Variants in WDR64 observed in about 807,000 individuals in gnomAD.
WDR64 encodes the protein WD repeat-containing protein 64.
A neutral mutation model predicts 139.3 loss-of-function variants in WDR64; 112 were observed. That is an observed-to-expected ratio of 0.80 (90% confidence interval 0.69 to 0.94). The LOEUF is 0.94. Among genes scored for constraint, WDR64 ranks in the 40% least tolerant of loss-of-function variants. The pLI, the probability that WDR64 is intolerant of heterozygous loss-of-function variation, is 0.00. For synonymous variants in WDR64, 444 were observed against 437.7 expected, an observed-to-expected ratio of 1.01 and a Z score of -0.18; for missense variants, 1,206 against 1,293.1, an observed-to-expected ratio of 0.93 and a Z score of 1.03.
At chr1:241,659,213 C>T (rs765487098) in intron 1 of WDR64, among the ~76,000 whole-genome samples, 13 of 152,118 alleles carry the variant, frequency 8.5e-5, no homozygotes, top group Admixed American at 4.6e-4. Flanking sequence ...TCCAGATCCA[C>T]GCATGTCCCT....
chr1:241,716,394 G>A lies in WDR64; in HGVS notation c.1054+4513G>A, dbSNP rs150100045. 5.6e-4 allele frequency among the ~76,000 whole-genome samples: 85 copies of A among 151,996 alleles called. 2 individuals are homozygous for A. The highest frequency in any genetic ancestry group is 1.9e-3 in the African/African-American group (80 of 41,454). On this transcript the variant is annotated intron_variant, in intron 9 of 27. Coordinates refer to ENST00000437684, the MANE Select transcript of WDR64 (RefSeq NM_001367482.1). The stretch of plus-strand genomic sequence containing the variant: ...AGAATATTTTTGCTGAACAGTGTTT[G>A]CACTAGCCTTTTAGGAATTAAGTTC...
At chr1:241,758,114 C>T (rs1298922471) in intron 15 of WDR64, among the ~76,000 whole-genome samples, 5 of 152,082 alleles carry the variant, frequency 3.3e-5, no homozygotes, top group Admixed American at 6.6e-5. Context: ...GGACAGTTGA[C>T]GCCATAGTTT....
intron 25 of WDR64, among the ~76,000 whole-genome samples, chr1:241,793,750 T>C (rs1292027187): frequency 6.6e-6 from 1 of 152,226 alleles, no homozygotes; most frequent in African/African-American, 2.4e-5. Context: ...CAAAGGGTTT[T>C]TGTGAGAATT....
At position 241,683,559 on chromosome 1, in the gene WDR64, C is replaced by T; in HGVS notation, c.697C>T (p.Leu233Phe). The T allele has an allele frequency of 6.4e-7, 1 of 1,551,682 alleles. No homozygotes were observed. The highest frequency in any genetic ancestry group is 8.7e-7 in the Non-Finnish European group (1 of 1,146,932). The change falls in exon 7 of 28, where the codon CTC becomes TTC. Residue 233 changes from leucine (L) to phenylalanine (F), a missense_variant. Leu to Phe is a conservative substitution (Grantham distance 22). Transcript: ENST00000437684. ...CVCVVPLPDH[L>F]CRDDILLGDD... ...GTGTGTGGTGCCTTTGCCTGACCAT[C>T]TCTGCCGAGATGACATCCTCTTGGG...
chr1:241,795,313 G>A, intron 26 of WDR64, 26 bp downstream of exon 26: 1 of 1,597,906 alleles, frequency 6.3e-7, no homozygotes. Context: ...TAGGAGTAGA[G>A]GGGTCACAGA....
At chr1:241,772,340 AAAAAG>A (rs1306102713) in intron 19 of WDR64, among the ~76,000 whole-genome samples, 1 of 148,988 alleles carries the variant, frequency 6.7e-6, no homozygotes, top group East Asian at 1.9e-4. Context: ...GAAAAAAAAA[AAAAAG>A]AAAAGGAAAA....
At chr1:241,790,274 C>T (rs778845968) in intron 24 of WDR64, among the ~76,000 whole-genome samples, 4 of 152,130 alleles carry the variant, frequency 2.6e-5, no homozygotes, top group Non-Finnish European at 5.9e-5. Flanking sequence ...TTGCTTGAAC[C>T]TGGGAGGCAG....
chr1:241,691,035 T>G (rs1342383762), intron 8 of WDR64, among the ~76,000 whole-genome samples: 1 of 152,170 alleles, frequency 6.6e-6, no homozygotes, highest in Non-Finnish European at 1.5e-5. Flanking sequence ...GGATTTTTGT[T>G]TATTTTAATA....
chr1:241,794,143 T>C (rs1659288480), intron 25 of WDR64, among the ~76,000 whole-genome samples: 1 of 151,242 alleles, frequency 6.6e-6, no homozygotes, highest in Admixed American at 6.6e-5. Flanking sequence ...ATCACGCCAT[T>C]GCACTCCAGC....
At chr1:241,668,073 G>A (rs1284895698) in intron 2 of WDR64, among the ~76,000 whole-genome samples, 1 of 152,258 alleles carries the variant, frequency 6.6e-6, no homozygotes, top group Admixed American at 6.5e-5. Flanking sequence ...TAGGACGCAG[G>A]TTTACTGTAT....
chr1:241,791,200 C>T (rs1300577089), intron 25 of WDR64, among the ~76,000 whole-genome samples: 1 of 152,090 alleles, frequency 6.6e-6, no homozygotes, highest in African/African-American at 2.4e-5. Flanking sequence ...GCATGAGAAT[C>T]GCTTGAACCC....
chr1:241,676,338 T>G (rs1458824322), intron 4 of WDR64: 1 of 152,248 alleles, frequency 6.6e-6, no homozygotes, highest in Admixed American at 6.5e-5. Flanking sequence ...ACTCATGAAG[T>G]GCTTAGCATC....
chr1:241,708,928 A>G (rs1668065503), intron 8 of WDR64, among the ~76,000 whole-genome samples: 1 of 152,114 alleles, frequency 6.6e-6, no homozygotes. Flanking sequence ...ATTCTGACCT[A>G]GGTAAAGTTA....
intron 10 of WDR64, among the ~76,000 whole-genome samples, chr1:241,737,515 A>G (rs1025927765): frequency 6.6e-6 from 1 of 152,222 alleles, no homozygotes; most frequent in African/African-American, 2.4e-5. Context: ...TAAATTTACT[A>G]TAACATGAAA....
chr1:241,725,445 C>G (rs1195457066), intron 10 of WDR64, among the ~76,000 whole-genome samples: 1 of 152,024 alleles, frequency 6.6e-6, no homozygotes, highest in Non-Finnish European at 1.5e-5. Context: ...CACCCCCTAC[C>G]CCTCATACAC....
intron 2 of WDR64, among the ~76,000 whole-genome samples, chr1:241,661,016 A>G (rs1665812674): frequency 6.6e-6 from 1 of 152,220 alleles, no homozygotes; most frequent in Non-Finnish European, 1.5e-5. Context: ...CAGTGCATCC[A>G]AATTATTAAT....
chr1:241,714,755 A>C (rs560342316), intron 9 of WDR64, among the ~76,000 whole-genome samples: 95 of 152,346 alleles, frequency 6.2e-4, no homozygotes, highest in Admixed American at 1.0e-3. Flanking sequence ...ACAATGCACT[A>C]GAAGTTAGAA....
chr1:241,683,303 G>A (rs77741526), intron 6 of WDR64, among the ~76,000 whole-genome samples, 184 bp from the exon 7 acceptor site: 2 of 152,098 alleles, frequency 1.3e-5, no homozygotes, highest in East Asian at 3.8e-4. Flanking sequence ...TAACAATGTT[G>A]GGCTCACAGC....
intron 3 of WDR64, among the ~76,000 whole-genome samples, chr1:241,672,043 T>C (rs962093403): frequency 2.0e-5 from 3 of 151,978 alleles, no homozygotes; most frequent in Non-Finnish European, 2.9e-5. Context: ...GCCATGGTGG[T>C]GTGCACCTGT....
Sources: allele counts gnomAD v4.1 joint callset (sites outside exome capture counted in the v4.1 genomes callset), GRCh38; gene constraint gnomAD v4.1.1; transcripts MANE v1.5; gene names NCBI Gene and HGNC (gene_info 2026-07-23, HGNC 2026-07-21).